The following PDK3 variants were observed in gnomAD, a reference collection of about 807,000 sequenced individuals.
PDK3 encodes pyruvate dehydrogenase kinase 3, also known as pyruvate dehydrogenase kinase, isozyme 3.
A neutral mutation model predicts 32.0 loss-of-function variants in PDK3; 12 were observed. The ratio of observed to expected loss-of-function variants is 0.37; its 90% CI spans 0.24 to 0.61. The LOEUF (loss-of-function observed/expected upper bound fraction) is 0.61. Ranked by LOEUF, PDK3 falls within the 20% of genes least tolerant of loss-of-function variation. The probability of loss-of-function intolerance (pLI) is 0.65; values close to 1 mark genes in which losing one functional copy is unlikely to be tolerated. For missense variants in PDK3, 188 were observed against 316.9 expected, an observed-to-expected ratio of 0.59 and a Z score of 3.09; for synonymous variants, 122 against 116.3, an observed-to-expected ratio of 1.05 and a Z score of -0.31.
At chrX:24,535,695 TAC>T (rs1922759248), downstream of PDK3, among the ~76,000 whole-genome samples, 2 of 109,653 alleles carry the variant, frequency 1.8e-5, no homozygotes, top group African/African-American at 3.3e-5. Context: ...ACACTATTCA[TAC>T]TATTTTACAA....
intron 5 of PDK3, 59 bp from the exon 6 acceptor site, chrX:24,518,874 C>G (rs965196221): frequency 1.5e-6 from 1 of 653,787 alleles, no homozygotes; most frequent in African/African-American, 2.5e-5. Context: ...CACACACACA[C>G]ACACACGCTT....
intron 1 of PDK3, among the ~76,000 whole-genome samples, chrX:24,468,711 A>G (rs969424608): frequency 2.7e-5 from 3 of 112,524 alleles, no homozygotes; most frequent in South Asian, 7.2e-4. Flanking sequence ...TAAAATAATG[A>G]AAGTTTCTTG....
intron 9 of PDK3, among the ~76,000 whole-genome samples, chrX:24,528,623 A>G (rs917274730): frequency 1.8e-5 from 2 of 112,921 alleles, no homozygotes; most frequent in South Asian, 3.6e-4. Context: ...TGGAATCTCC[A>G]CTGTCAAATT....
At chrX:24,515,979 A>G (rs903286950) in intron 5 of PDK3, among the ~76,000 whole-genome samples, 2 of 111,268 alleles carry the variant, frequency 1.8e-5, no homozygotes, top group Admixed American at 1.9e-4. Flanking sequence ...ATTTAATTCT[A>G]AAAGTTTAGT....
chrX:24,509,570 G>A (rs935595311), intron 5 of PDK3, among the ~76,000 whole-genome samples: 1 of 110,976 alleles, frequency 9.0e-6, no homozygotes. Flanking sequence ...CACTCATGGG[G>A]TAAGCAGGAA....
intron 10 of PDK3, 76 bp downstream of exon 10, chrX:24,531,846 G>A (rs1922658013): frequency 4.0e-6 from 2 of 498,955 alleles, no homozygotes; most frequent in African/African-American, 4.7e-5. Flanking sequence ...ATTGAGAACA[G>A]CACTGTATCA....
At chrX:24,512,248 G>A (rs1383538033) in intron 5 of PDK3, among the ~76,000 whole-genome samples, 1 of 112,134 alleles carries the variant, frequency 8.9e-6, no homozygotes, top group Non-Finnish European at 1.9e-5. Flanking sequence ...AAATCCTGCT[G>A]TAAGATCATT....
At chrX:24,477,952 G>A (rs1203566072) in intron 1 of PDK3, among the ~76,000 whole-genome samples, 2 of 111,939 alleles carry the variant, frequency 1.8e-5, no homozygotes, top group African/African-American at 6.5e-5. Context: ...TGTAATTTAT[G>A]TTGAAATTTG....
intron 5 of PDK3, among the ~76,000 whole-genome samples, chrX:24,508,822 C>T (rs1368492349): frequency 9.0e-6 from 1 of 111,363 alleles, no homozygotes; most frequent in Admixed American, 9.6e-5. Context: ...AAGCAATTCT[C>T]CTGCCTCAGC....
At chrX:24,539,213 A>G, downstream of PDK3, 2 of 868,401 alleles carry the variant, frequency 2.3e-6, no homozygotes, top group Admixed American at 5.5e-5. Flanking sequence ...GCCTTCTGCA[A>G]GTCAAACAGA....
At chrX:24,538,288 A>G (rs1376646848), downstream of PDK3, among the ~76,000 whole-genome samples, 1 of 112,398 alleles carries the variant, frequency 8.9e-6, no homozygotes, top group Non-Finnish European at 1.9e-5. Context: ...TAAAATTTTA[A>G]AATGCTTAGC....
intron 10 of PDK3, among the ~76,000 whole-genome samples, chrX:24,531,986 C>A (rs1444926203): frequency 8.9e-6 from 1 of 111,942 alleles, no homozygotes; most frequent in African/African-American, 3.3e-5. Context: ...CTGATTTTGG[C>A]CGGGCGTGGT....
rs1328972708 is a variant in PDK3 at position 24,495,773 on chromosome X, G to A, written c.248+890G>A. The stretch of plus-strand genomic sequence containing the variant: ...CTCCCCAGAGGTTGAGGGTAGAGCT[G>A]AAAGTTGCAGTCCTCGAATCACTTG... On this transcript the variant is annotated intron_variant, in intron 2 of 10. Coordinates refer to ENST00000379162, the MANE Select transcript of PDK3 (RefSeq NM_005391.5). 2.7e-5 allele frequency among the ~76,000 whole-genome samples: 3 copies of A among 112,175 alleles called. No homozygotes were observed. In the East Asian group the frequency reaches 8.5e-4, roughly 32 times the overall value.
At chrX:24,470,556 G>A (rs1920979524) in intron 1 of PDK3, among the ~76,000 whole-genome samples, 1 of 108,820 alleles carries the variant, frequency 9.2e-6, no homozygotes, top group African/African-American at 3.4e-5. Context: ...GCATAGTGGT[G>A]GGTGCCTGTA....
rs750057089 is a variant in PDK3, at chrX:24,505,284, C to T, written c.581C>T (p.Ala194Val). The change falls in exon 5 of 11, where the codon GCG (alanine) becomes GTG (valine). Residue 194 changes from alanine to valine, a missense_variant. Physicochemically the swap from Ala to Val is moderately conservative, Grantham distance 64. Transcript: ENST00000379162. ...AGTATCGATCCCACCTGTAACGTGG[C>T]GGATGTGGTGAAAGGTAAGGAGACC... The part of the protein sequence containing the change: ...IGSIDPTCNV[A>V]DVVKDAYETA... 11 of 1,191,332 alleles carry T rather than the reference C, an allele frequency of 9.2e-6. No homozygotes were observed. In the South Asian group the frequency reaches 1.1e-4, roughly 12 times the overall value.
chrX:24,474,056 C>T (rs999364485), intron 1 of PDK3, among the ~76,000 whole-genome samples: 1 of 112,073 alleles, frequency 8.9e-6, no homozygotes, highest in Non-Finnish European at 1.9e-5. Flanking sequence ...CTCGCCCTGT[C>T]GGCTTCTGGT....
At chrX:24,529,251 A>G (rs1205777366) in intron 9 of PDK3, among the ~76,000 whole-genome samples, 1 of 112,173 alleles carries the variant, frequency 8.9e-6, no homozygotes, top group East Asian at 2.8e-4. Context: ...TTAAAATAGC[A>G]TCTTGAGGAT....
intron 4 of PDK3, 124 bp downstream of exon 4, chrX:24,503,635 T>C: frequency 2.1e-6 from 1 of 473,381 alleles, no homozygotes; most frequent in Non-Finnish European, 3.4e-6. Flanking sequence ...CTAGTTCGGT[T>C]TTTCCTAAGT....
At chrX:24,492,936 G>T (rs1602109049) in intron 1 of PDK3, among the ~76,000 whole-genome samples, 1 of 108,215 alleles carries the variant, frequency 9.2e-6, no homozygotes, top group African/African-American at 3.4e-5. Context: ...GGAGGCGGAG[G>T]TTGCAGTGAG....
Sources: gnomAD v4.1 joint callset for allele counts (sites outside exome capture counted in the v4.1 genomes callset) on GRCh38, gnomAD v4.1.1 for gene constraint, MANE v1.5 for transcripts, NCBI Gene and HGNC (gene_info 2026-07-23, HGNC 2026-07-21) for gene names.